GRIK4: variants seen among roughly 807,000 people sequenced by gnomAD.
The protein encoded by GRIK4 is glutamate receptor ionotropic, kainate 4.
A neutral mutation model predicts 104.9 loss-of-function variants in GRIK4; 40 were observed. The ratio of observed to expected loss-of-function variants is 0.38; its 90% CI spans 0.30 to 0.50. The LOEUF is 0.50. Among genes scored for constraint, GRIK4 ranks in the 20% least tolerant of loss-of-function variants. The pLI is 0.93. For missense variants in GRIK4, 1,047 were observed against 1,308.1 expected, an observed-to-expected ratio of 0.80 and a Z score of 3.08; for synonymous variants, 485 against 524.9, an observed-to-expected ratio of 0.92 and a Z score of 1.04.
At chr11:120,618,537 G>A (rs1181449202) in intron 1 of GRIK4, among the ~76,000 whole-genome samples, 1 of 152,210 alleles carries the variant, frequency 6.6e-6, no homozygotes, top group Non-Finnish European at 1.5e-5. Flanking sequence ...AGGCCTTGAG[G>A]CATTTCAGAG....
At chr11:120,948,548 G>T (rs1943920487) in intron 14 of GRIK4, among the ~76,000 whole-genome samples, 1 of 152,164 alleles carries the variant, frequency 6.6e-6, no homozygotes, top group Non-Finnish European at 1.5e-5. Flanking sequence ...GCCTGGTATT[G>T]CCCTAAGTGC....
chr11:120,799,821 TTGTAC>T (rs1952589486), intron 3 of GRIK4, among the ~76,000 whole-genome samples: 2 of 152,276 alleles, frequency 1.3e-5, no homozygotes, highest in South Asian at 4.2e-4. Context: ...CTTTTCCTTG[TTGTAC>T]AGCTTGGCTA....
chr11:120,766,491 A>G (rs951298286), intron 3 of GRIK4, among the ~76,000 whole-genome samples: 2 of 152,160 alleles, frequency 1.3e-5, no homozygotes, highest in Admixed American at 6.5e-5. Context: ...TCCAGGCACC[A>G]CTGGGGTATG....
intron 2 of GRIK4, among the ~76,000 whole-genome samples, chr11:120,656,316 C>G (rs1949709257): frequency 6.6e-6 from 1 of 152,186 alleles, no homozygotes; most frequent in Non-Finnish European, 1.5e-5. Context: ...GACAGTTATG[C>G]GACCTTCAGC....
chr11:120,926,766 G>C (rs763129071), intron 13 of GRIK4, among the ~76,000 whole-genome samples: 3 of 152,218 alleles, frequency 2.0e-5, no homozygotes, highest in Admixed American at 6.5e-5. Context: ...GGACACTGGA[G>C]ATGTATGATG....
chr11:120,819,617 G>T lies in GRIK4; in HGVS notation c.346-138G>T. ...CTCCCACGGAGTGGGTGCCCTGGGA[G>T]CTCCTTCTCCCATTGGTGTCTGGCG... On this transcript the variant is annotated intron_variant, in intron 5 of 20. Transcript: ENST00000527524. This position sits in a 1 kb window ranked among gnomAD's most constrained non-coding sequence, Gnocchi z 4.3. The T allele has an allele frequency of 1.3e-6, 1 of 743,866 alleles. No homozygotes were observed. Among genetic ancestry groups the T allele is most frequent in the South Asian group, 1.7e-5 (1 of 59,930 alleles). The allele number at this position is 743,866 out of a possible 1,614,324, so 46.1% of individuals were successfully genotyped here. A position where few individuals can be genotyped will look rare whatever the true frequency, so the allele number is the denominator to read the frequency against.
At chr11:120,715,494 A>C (rs1950813755) in intron 3 of GRIK4, among the ~76,000 whole-genome samples, 1 of 152,162 alleles carries the variant, frequency 6.6e-6, no homozygotes, top group African/African-American at 2.4e-5. Context: ...CCCTGGCCTA[A>C]AGTGTGTTCC....
At chr11:120,712,835 G>A (rs939593841) in intron 3 of GRIK4, among the ~76,000 whole-genome samples, 2 of 152,084 alleles carry the variant, frequency 1.3e-5, no homozygotes, top group African/African-American at 2.4e-5. Context: ...CATTACTTCC[G>A]ATCTTCTCTT....
At chr11:120,666,436 G>A (rs552698019) in intron 3 of GRIK4, among the ~76,000 whole-genome samples, 7 of 152,346 alleles carry the variant, frequency 4.6e-5, no homozygotes, top group East Asian at 1.9e-4. Flanking sequence ...CCAGTGTGGC[G>A]ACGCCTGGGG....
At chr11:120,589,248 T>G (rs1018497144) in intron 1 of GRIK4, among the ~76,000 whole-genome samples, 1 of 152,170 alleles carries the variant, frequency 6.6e-6, no homozygotes, top group Non-Finnish European at 1.5e-5. Context: ...ACTGCTGGTC[T>G]GGGGACCACA....
chr11:120,750,440 C>T (rs902695963), intron 3 of GRIK4, among the ~76,000 whole-genome samples: 2 of 140,808 alleles, frequency 1.4e-5, no homozygotes, highest in Non-Finnish European at 3.0e-5. Flanking sequence ...GATCTGAGGT[C>T]ACTGCAGCCT....
chr11:120,533,031 G>C (rs1947938210), intron 1 of GRIK4, among the ~76,000 whole-genome samples: 1 of 152,188 alleles, frequency 6.6e-6, no homozygotes, highest in Non-Finnish European at 1.5e-5. Context: ...GGTGTGATGT[G>C]CCAAGGTGGA....
At chr11:120,862,678 T>G (rs1592001379) in intron 9 of GRIK4, among the ~76,000 whole-genome samples, 1 of 152,108 alleles carries the variant, frequency 6.6e-6, no homozygotes, top group East Asian at 1.9e-4. Context: ...GTCCCTCTGC[T>G]TCCTCTCTGC....
At chr11:120,589,495 CGCT>C (rs1486759009) in intron 1 of GRIK4, among the ~76,000 whole-genome samples, 1 of 152,188 alleles carries the variant, frequency 6.6e-6, no homozygotes, top group Non-Finnish European at 1.5e-5. Flanking sequence ...GGAACCTCCA[CGCT>C]GCTGGCCACC....
At chr11:120,830,319 C>T (rs1035575539) in intron 6 of GRIK4, among the ~76,000 whole-genome samples, 1 of 152,172 alleles carries the variant, frequency 6.6e-6, no homozygotes, top group Admixed American at 6.5e-5. Flanking sequence ...CCGAGGCAGC[C>T]TGGTCTCATG....
chr11:120,767,613 A>C (rs1306448367), intron 3 of GRIK4, among the ~76,000 whole-genome samples: 1 of 152,146 alleles, frequency 6.6e-6, no homozygotes, highest in East Asian at 1.9e-4. Context: ...ATCCAAAAAA[A>C]TCATTGTTAA....
chr11:120,896,315 C>T (rs1394709815), intron 11 of GRIK4, among the ~76,000 whole-genome samples: 2 of 152,198 alleles, frequency 1.3e-5, no homozygotes, highest in African/African-American at 4.8e-5. Flanking sequence ...TGGGTGGGCT[C>T]TTTTGTTTTG....
chr11:120,888,637 T>TA (rs1801889732), intron 11 of GRIK4, among the ~76,000 whole-genome samples: 1 of 152,182 alleles, frequency 6.6e-6, no homozygotes, highest in Non-Finnish European at 1.5e-5. Context: ...AGTGAACAGA[T>TA]AGAGTGTCCA....
intron 3 of GRIK4, among the ~76,000 whole-genome samples, chr11:120,670,883 G>T (rs1380488452): frequency 6.6e-6 from 1 of 151,730 alleles, no homozygotes; most frequent in East Asian, 1.9e-4. Flanking sequence ...AGGCCCCAGT[G>T]TCTGATGTTC....
Sources: gnomAD v4.1 joint callset for allele counts (sites outside exome capture counted in the v4.1 genomes callset) on GRCh38, gnomAD v4.1.1 for gene constraint, Gnocchi (gnomAD v3.1) non-coding constraint, MANE v1.5 for transcripts, NCBI Gene and HGNC (gene_info 2026-07-23, HGNC 2026-07-21) for gene names.